The following COL27A1 variants were observed in gnomAD, a reference collection of about 807,000 sequenced individuals.
COL27A1 encodes collagen type XXVII alpha 1 chain.
COL27A1 carries 106 observed loss-of-function variants against 251.3 expected under a neutral mutation model. That is an observed-to-expected ratio of 0.42 (90% CI 0.36 to 0.50). The LOEUF is 0.50. COL27A1 is among the 20% of genes least tolerant of loss of function. The pLI, the probability that COL27A1 is intolerant of heterozygous loss-of-function variation, is 0.00. For synonymous variants in COL27A1, 1,000 were observed against 986.3 expected, an observed-to-expected ratio of 1.01 and a Z score of -0.26; for missense variants, 2,325 against 2,522.8, an observed-to-expected ratio of 0.92 and a Z score of 1.68.
chr9:114,158,193 T>A (rs1588539119), intron 1 of COL27A1, among the ~76,000 whole-genome samples: 1 of 152,194 alleles, frequency 6.6e-6, no homozygotes, highest in East Asian at 1.9e-4. Flanking sequence ...TTTTACCCCA[T>A]GCGTGAACAG....
rs377465394 is a variant in COL27A1 at position 114,252,948 on chromosome 9, G to A, written c.3141+16G>A. The A allele has an allele frequency of 7.0e-5, 112 of 1,607,506 alleles. No individual in the cohort carries two copies. Among genetic ancestry groups the A allele is most frequent in the East Asian group, 8.9e-5 (4 of 44,786 alleles). On this transcript the variant is annotated intron_variant, in intron 27 of 60. Coordinates refer to ENST00000356083, the MANE Select transcript of COL27A1 (RefSeq NM_032888.4). ...TGGACCCCAGGTAAGCAAAGCCCTCGTGATCCCTAAGCTCAAACCACTGTC... is the reference window on the plus strand; with the variant it reads ...TGGACCCCAGGTAAGCAAAGCCCTCATGATCCCTAAGCTCAAACCACTGTC...
chr9:114,167,943 TTCC>T lies in COL27A1; in HGVS notation c.392_394del (p.Leu131del). The T allele has an allele frequency of 6.2e-7, 1 of 1,609,832 alleles. No individual in the cohort carries two copies. Among genetic ancestry groups the T allele is most frequent in the Non-Finnish European group, 8.5e-7 (1 of 1,179,862 alleles). On this transcript the variant is annotated inframe_deletion, in exon 3 of 61. Coordinates refer to ENST00000356083, the MANE Select transcript of COL27A1 (RefSeq NM_032888.4). ...ACGCAAGCTGCAGCTGGGCCTGCAGTTCCTCCCCGGCAAGACGGTCGTCCACCT... is the reference window on the plus strand; with the variant it reads ...ACGCAAGCTGCAGCTGGGCCTGCAGTTCCCCGGCAAGACGGTCGTCCACCT...
At chr9:114,190,831 C>T (rs763286005) in intron 5 of COL27A1, among the ~76,000 whole-genome samples, 16 of 152,222 alleles carry the variant, frequency 1.1e-4, no homozygotes, top group African/African-American at 3.4e-4. Context: ...CAGGCTCTGT[C>T]GTGGTCACAC....
rs1564502773 is a variant in COL27A1 at position 114,234,310 on chromosome 9, A to AT, written c.2566-1289_2566-1288insT. Reference sequence around the variant, plus strand: ...GAAAAACCAAAGTAAGTTGAAAAAAAATTTTTTTTTTAATTCTGACTTTTG... The same window carrying AT: ...GAAAAACCAAAGTAAGTTGAAAAAAATATTTTTTTTTTAATTCTGACTTTTG... On this transcript the variant is annotated intron_variant, in intron 16 of 60. Transcript: ENST00000356083. Among the ~76,000 whole-genome samples the AT allele has an allele frequency of 2.7e-5, 4 of 150,382 alleles. No homozygotes were observed. In the South Asian group the frequency reaches 6.4e-4, roughly 24 times the overall value.
At chr9:114,229,369 G>A (rs1371900557) in intron 14 of COL27A1, among the ~76,000 whole-genome samples, 1 of 152,168 alleles carries the variant, frequency 6.6e-6, no homozygotes, top group African/African-American at 2.4e-5. Context: ...CTCTCCTCGG[G>A]GGCATTCCAT....
intron 10 of COL27A1, among the ~76,000 whole-genome samples, chr9:114,206,771 G>GC: frequency 6.6e-6 from 1 of 152,276 alleles, no homozygotes; most frequent in African/African-American, 2.4e-5. Context: ...TTCCTTCAAG[G>GC]CCCCCATGGA....
At chr9:114,186,295 G>A (rs1232834897) in intron 5 of COL27A1, among the ~76,000 whole-genome samples, 3 of 152,286 alleles carry the variant, frequency 2.0e-5, no homozygotes, top group African/African-American at 7.2e-5. Context: ...ACCCTGAGAG[G>A]ATGTGTTTCC....
intron 35 of COL27A1, 60 bp from the exon 36 acceptor site, chr9:114,270,668 A>G: frequency 7.3e-7 from 1 of 1,365,560 alleles, no homozygotes; most frequent in Non-Finnish European, 1.0e-6. Context: ...AGAGAGGAAA[A>G]GCACACCGGG....
rs1207397391 is a variant in COL27A1 at position 114,237,175 on chromosome 9, G to A, written c.2673+141G>A. ...GGGGCAAGCAGGGCAGGGCAGGAAT[G>A]GGATGTGCTCATTTCACAGATGAGG... On this transcript the variant is annotated intron_variant, in intron 18 of 60. Transcript: ENST00000356083. 6 of 759,814 alleles carry A rather than the reference G, an allele frequency of 7.9e-6. No individual in the cohort carries two copies. The Admixed American group carries it at 1.5e-4, about 19-fold the overall frequency. 47.1% of individuals were successfully genotyped at this position (759,814 alleles called of 1,614,324 possible).
intron 36 of COL27A1, among the ~76,000 whole-genome samples, chr9:114,274,552 T>C (rs909880812): frequency 1.3e-5 from 2 of 152,180 alleles, no homozygotes; most frequent in African/African-American, 4.8e-5. Flanking sequence ...ACATGGTTAG[T>C]GCTATATAAA....
In COL27A1 at chr9:114,162,756, A is replaced by G. The variant is rs1194521421; in HGVS notation, c.104A>G (p.His35Arg). 5.6e-6 allele frequency: 9 copies of G among 1,612,678 alleles called. No homozygotes were observed. The highest frequency in any genetic ancestry group is 2.7e-5 in the African/African-American group (2 of 74,484). The stretch of plus-strand genomic sequence containing the variant: ...TGGATCTTAGTCTCGTTTGCCTGTC[A>G]CCTGGCCTCCACCCAAGGAGCTCCT... ...FSWILVSFAC[H>R]LASTQGAPED... Residue 35 changes from histidine (H) to arginine (R), a missense_variant, in exon 2 of 61, where the codon CAC (histidine) becomes CGC (arginine). His to Arg is a conservative substitution (Grantham distance 29). Transcript: ENST00000356083.
At position 114,240,450 on chromosome 9, in the gene COL27A1, G is replaced by T. The variant is rs1454488028; in HGVS notation, c.2798G>T (p.Arg933Leu). Reference sequence around the variant, plus strand: ...TCTCCCCAGGGTAAGCCTGGAGCCCGAGGCCTGCCGGGACCCCGTGGGCAG... The same window carrying T: ...TCTCCCCAGGGTAAGCCTGGAGCCCTAGGCCTGCCGGGACCCCGTGGGCAG... Reference protein sequence around the residue: ...PEGMKGKPGARGLPGPRGQLG... With the variant: ...PEGMKGKPGALGLPGPRGQLG... The change falls in exon 21 of 61, where the codon CGA becomes CTA. Residue 933 changes from arginine to leucine, a missense_variant. Arg to Leu is a moderately radical substitution (Grantham distance 102). This residue lies in a region of COL27A1 where 662 missense variants were observed against 795.3 expected (regional missense o/e 0.83). Coordinates refer to ENST00000356083, the MANE Select transcript of COL27A1 (RefSeq NM_032888.4). The T allele has an allele frequency of 1.2e-6, 2 of 1,613,072 alleles. No individual in the cohort carries two copies. The highest frequency in any genetic ancestry group is 2.2e-5 in the East Asian group (1 of 44,878).
intron 4 of COL27A1, among the ~76,000 whole-genome samples, chr9:114,178,850 G>C (rs971164241): frequency 3.3e-5 from 5 of 152,142 alleles, no homozygotes; most frequent in African/African-American, 1.2e-4. Context: ...CCAAGCCCGA[G>C]AGGGAAAATA....
At chr9:114,232,488 G>T (rs1221820509) in intron 16 of COL27A1, among the ~76,000 whole-genome samples, 1 of 152,196 alleles carries the variant, frequency 6.6e-6, no homozygotes, top group Admixed American at 6.5e-5. Flanking sequence ...CCCAGCACTT[G>T]TGCCCTGCTC....
chr9:114,158,188 C>T (rs926726080), intron 1 of COL27A1, among the ~76,000 whole-genome samples: 1 of 152,180 alleles, frequency 6.6e-6, no homozygotes, highest in Non-Finnish European at 1.5e-5. Flanking sequence ...TCAGCTTTTA[C>T]CCCATGCGTG....
At chr9:114,187,755 G>A (rs990981698) in intron 5 of COL27A1, among the ~76,000 whole-genome samples, 10 of 152,036 alleles carry the variant, frequency 6.6e-5, no homozygotes, top group African/African-American at 1.7e-4. Context: ...TAGCTTCATG[G>A]CATTTTATCA....
chr9:114,248,431 T>C (rs1015962864), intron 24 of COL27A1, among the ~76,000 whole-genome samples: 8 of 152,208 alleles, frequency 5.3e-5, no homozygotes, highest in African/African-American at 1.9e-4. Context: ...CCTTTATCTG[T>C]AGGCAATGTG....
At chr9:114,239,559 G>C (rs1318036608) in intron 19 of COL27A1, among the ~76,000 whole-genome samples, 8 of 152,186 alleles carry the variant, frequency 5.3e-5, no homozygotes, top group South Asian at 2.1e-4. Flanking sequence ...CCTGTGCTCT[G>C]TGGGGCCCTA....
rs1274112422 is a variant in COL27A1 at position 114,311,197 on chromosome 9, C to G, written c.*502C>G. On this transcript the variant is annotated 3_prime_UTR_variant, in exon 61 of 61. Transcript: ENST00000356083. ...GGTGCGTTACTATTTTTTTTTCACC[C>G]GGGAAAGAGGTGAGAGGATGGGAAG... 3 of 151,290 alleles carry G rather than the reference C, an allele frequency of 2.0e-5. No homozygotes were observed. The highest frequency in any genetic ancestry group is 4.4e-5 in the Non-Finnish European group (3 of 67,958). The allele number at this position is 151,290 out of a possible 1,614,324, so 9.4% of individuals were successfully genotyped here.
Sources: allele counts gnomAD v4.1 joint callset (sites outside exome capture counted in the v4.1 genomes callset), GRCh38; gene constraint gnomAD v4.1.1; regional missense constraint gnomAD v4.1.1; transcripts MANE v1.5; gene names NCBI Gene and HGNC (gene_info 2026-07-23, HGNC 2026-07-21).